CSMD1: variants seen among roughly 807,000 people sequenced by gnomAD.
The protein encoded by CSMD1 is CUB and sushi domain-containing protein 1.
Under a neutral mutation model 417.5 loss-of-function variants are expected in CSMD1, and 213 were observed. The ratio of observed to expected loss-of-function variants is 0.51; its 90% CI spans 0.46 to 0.57. CSMD1 has a LOEUF of 0.57. Ranked by LOEUF, CSMD1 falls within the 20% of genes least tolerant of loss-of-function variation. The pLI, the probability that CSMD1 is intolerant of heterozygous loss-of-function variation, is 0.00. For missense variants in CSMD1, 6,923 were observed against 4,529.7 expected, an observed-to-expected ratio of 1.53 and a Z score of -15.17; for synonymous variants, 2,862 against 1,736.8, an observed-to-expected ratio of 1.65 and a Z score of -16.11.
At chr8:3,018,812 C>G (rs531329664) in intron 51 of CSMD1, among the ~76,000 whole-genome samples, 162 bp from the exon 52 acceptor site, 1 of 152,238 alleles carries the variant, frequency 6.6e-6, no homozygotes, top group South Asian at 2.1e-4. Flanking sequence ...GCTGGATAGA[C>G]CAGTCACTTA....
rs145243852 is a variant in CSMD1, at chr8:3,330,979, G to A, written c.3631+12315C>T. Among the ~76,000 whole-genome samples the A allele has an allele frequency of 7.1e-4, 108 of 152,140 alleles. 1 individual carries two copies. Among genetic ancestry groups the A allele is most frequent in the African/African-American group, 2.4e-3 (101 of 41,504 alleles). On this transcript the variant is annotated intron_variant, in intron 23 of 69. Coordinates refer to ENST00000635120, the MANE Select transcript of CSMD1 (RefSeq NM_033225.6). The stretch of plus-strand genomic sequence containing the variant: ...AAAGAAAAGCAACAGTGCCGGGCGC[G>A]GTGGCTCACGCCTGTAATCCCAGGA...
chr8:4,252,969 G>A (rs554470227), intron 3 of CSMD1, among the ~76,000 whole-genome samples: 1 of 152,194 alleles, frequency 6.6e-6, no homozygotes, highest in South Asian at 2.1e-4. Context: ...TTTCATGACA[G>A]CCCAGTAAGC....
intron 26 of CSMD1, among the ~76,000 whole-genome samples, chr8:3,246,410 C>G (rs1003294297): frequency 2.6e-5 from 4 of 152,182 alleles, no homozygotes; most frequent in Non-Finnish European, 5.9e-5. Context: ...TCCTCAGTCA[C>G]GCTCTCACAT....
At chr8:4,427,694 A>G (rs998113177) in intron 2 of CSMD1, among the ~76,000 whole-genome samples, 12 of 152,250 alleles carry the variant, frequency 7.9e-5, no homozygotes, top group African/African-American at 1.2e-4. Context: ...ACATTTATGT[A>G]TTTTTCTGTT....
At chr8:3,608,124 AG>A (rs1801709698) in intron 8 of CSMD1, among the ~76,000 whole-genome samples, 1 of 151,450 alleles carries the variant, frequency 6.6e-6, no homozygotes, top group Admixed American at 6.6e-5. Context: ...CAGTGAGCCA[AG>A]ATTGTGCCAC....
At chr8:4,798,568 T>C (rs1798109891) in intron 1 of CSMD1, among the ~76,000 whole-genome samples, 1 of 152,092 alleles carries the variant, frequency 6.6e-6, no homozygotes. Flanking sequence ...AGGTGGAAAA[T>C]AAACTCTCAA....
At chr8:3,165,595 C>A (rs1455238139) in intron 37 of CSMD1, among the ~76,000 whole-genome samples, 1 of 151,926 alleles carries the variant, frequency 6.6e-6, no homozygotes, top group Non-Finnish European at 1.5e-5. Flanking sequence ...CCACGCCCGG[C>A]TAATTTTTTT....
At chr8:4,179,996 C>A (rs1051101000) in intron 3 of CSMD1, among the ~76,000 whole-genome samples, 1 of 152,008 alleles carries the variant, frequency 6.6e-6, no homozygotes, top group South Asian at 2.1e-4. Flanking sequence ...TAAACTAATT[C>A]AACCATTGTG....
chr8:4,065,929 G>C (rs1432174611), intron 3 of CSMD1, among the ~76,000 whole-genome samples: 1 of 152,204 alleles, frequency 6.6e-6, no homozygotes, highest in Non-Finnish European at 1.5e-5. Context: ...AAAAATGAGA[G>C]TTAGAGAAAA....
chr8:3,165,305 TC>T (rs1448808691), intron 37 of CSMD1, among the ~76,000 whole-genome samples: 1 of 152,154 alleles, frequency 6.6e-6, no homozygotes, highest in African/African-American at 2.4e-5. Context: ...ATTGATATGA[TC>T]AGAGCCCAAG....
chr8:4,852,319 T>C (rs1271846891), intron 1 of CSMD1, among the ~76,000 whole-genome samples: 2 of 152,158 alleles, frequency 1.3e-5, no homozygotes, highest in African/African-American at 4.8e-5. Context: ...GATGGCTTCC[T>C]GCTATCCTTG....
chr8:3,315,328 C>T (rs931452464), intron 23 of CSMD1, among the ~76,000 whole-genome samples: 14 of 151,842 alleles, frequency 9.2e-5, no homozygotes, highest in Admixed American at 1.3e-4. Context: ...AAGGAAAGTT[C>T]ATTAATAATG....
At chr8:4,752,202 A>G (rs1361315239) in intron 1 of CSMD1, among the ~76,000 whole-genome samples, 1 of 152,146 alleles carries the variant, frequency 6.6e-6, no homozygotes, top group African/African-American at 2.4e-5. Flanking sequence ...TCACTTCATC[A>G]TAAACAGTAC....
intron 5 of CSMD1, among the ~76,000 whole-genome samples, chr8:3,808,585 A>G (rs367834425): frequency 3.3e-5 from 5 of 152,154 alleles, no homozygotes; most frequent in Non-Finnish European, 7.3e-5. Flanking sequence ...CATGTTTGAA[A>G]ATAATTGCAC....
intron 5 of CSMD1, among the ~76,000 whole-genome samples, chr8:3,854,129 T>A (rs1417612328): frequency 1.4e-5 from 2 of 141,796 alleles, no homozygotes; most frequent in Admixed American, 7.2e-5. Flanking sequence ...TATACTTATA[T>A]ATATAAACTC....
chr8:3,348,178 A>G lies in CSMD1; in HGVS notation c.3305-17T>C. 6.2e-7 allele frequency: 1 copy of G among 1,600,180 alleles called. No individual in the cohort carries two copies. Among genetic ancestry groups the G allele is most frequent in the Non-Finnish European group, 8.5e-7 (1 of 1,173,494 alleles). ...CACATTCGGCTACAATAAATAGGACATGAGAGAAAGAGGATTCAAAAGTGG... is the reference window on the plus strand; with the variant it reads ...CACATTCGGCTACAATAAATAGGACGTGAGAGAAAGAGGATTCAAAAGTGG... On this transcript the variant is annotated splice_polypyrimidine_tract_variant and intron_variant, in intron 21 of 69. Transcript: ENST00000635120.
chr8:3,230,310 G>C lies in CSMD1; in HGVS notation c.4154-79C>G, dbSNP rs148798601. 4.8e-4 allele frequency: 569 copies of C among 1,186,690 alleles called. 2 individuals carry two copies. The African/African-American group carries it at 7.6e-3, about 16-fold the overall frequency. 73.5% of individuals were successfully genotyped at this position (1,186,690 alleles called of 1,614,324 possible). ...TCTTGTCGGTGTGGTTGTTCTTGTG[G>C]GTTGAAGCACTCTTCATTGGCCTAA... On this transcript the variant is annotated intron_variant, in intron 26 of 69. Coordinates refer to ENST00000635120, the MANE Select transcript of CSMD1 (RefSeq NM_033225.6).
chr8:4,698,140 T>G (rs1250194066), intron 1 of CSMD1, among the ~76,000 whole-genome samples: 6 of 152,040 alleles, frequency 3.9e-5, no homozygotes, highest in Admixed American at 6.6e-5. Flanking sequence ...ACTGGGTTTT[T>G]TTTTTTTTTT....
intron 7 of CSMD1, among the ~76,000 whole-genome samples, chr8:3,679,938 G>A (rs1025145320): frequency 5.3e-5 from 8 of 152,098 alleles, no homozygotes; most frequent in Non-Finnish European, 1.0e-4. Flanking sequence ...AATGACTACT[G>A]GGTACATAAC....
Sources: gnomAD v4.1 joint callset for allele counts (sites outside exome capture counted in the v4.1 genomes callset) on GRCh38, gnomAD v4.1.1 for gene constraint, MANE v1.5 for transcripts, NCBI Gene and HGNC (gene_info 2026-07-23, HGNC 2026-07-21) for gene names.